HECW1: variants seen among roughly 807,000 people sequenced by gnomAD.
The protein encoded by HECW1 is E3 ubiquitin-protein ligase HECW1.
In HECW1, 61 loss-of-function variants were observed where a neutral mutation model predicts 182.3. That is an observed-to-expected ratio of 0.33 (90% CI 0.27 to 0.41). HECW1 has a LOEUF of 0.41. HECW1 is among the 10% of genes least tolerant of loss of function. HECW1 has a pLI of 1.00. For missense variants in HECW1, 1,739 were observed against 2,108.9 expected (o/e 0.82, Z 3.44); for synonymous variants, 859 against 832.6 (o/e 1.03, Z -0.55).
Position 43,174,551 on chromosome 7 carries a change from G to A in HECW1, c.-32+60160G>A, listed in dbSNP as rs554768004. ...TAATTCTCTGGACTAGCCCCTGAGC[G>A]AGGTTCTTGTCCCCTGGGATTGAAT... On this transcript the variant is annotated intron_variant, in intron 2 of 29. Coordinates refer to ENST00000395891, the MANE Select transcript of HECW1 (RefSeq NM_015052.5). 8.5e-5 allele frequency among the ~76,000 whole-genome samples: 13 copies of A among 152,292 alleles called. 1 individual carries two copies. The South Asian group carries it at 1.9e-3, about 22-fold the overall frequency.
chr7:43,550,556 C>CA lies in HECW1; in HGVS notation c.4361dup (p.Gln1455AlafsTer22). On this transcript the variant is annotated frameshift_variant, in exon 27 of 30. Transcript: ENST00000395891. LOFTEE classifies it high-confidence loss of function. The stretch of plus-strand genomic sequence containing the variant: ...GTGGCGGGTGGAGCGCGGCGTGGTA[C>CA]AGCAGACCGAGGCGCTGGTGCGCGG... 6.2e-7 allele frequency: 1 copy of CA among 1,609,948 alleles called. No homozygotes were observed. The highest frequency in any genetic ancestry group is 8.5e-7 in the Non-Finnish European group (1 of 1,178,286).
At chr7:43,153,957 T>G (rs1057499660) in intron 2 of HECW1, among the ~76,000 whole-genome samples, 1 of 152,196 alleles carries the variant, frequency 6.6e-6, no homozygotes, top group African/African-American at 2.4e-5. Context: ...TAATTTTTTT[T>G]TTGGTAGTTG....
intron 3 of HECW1, among the ~76,000 whole-genome samples, chr7:43,307,400 C>A (rs142105929): frequency 4.6e-5 from 7 of 152,142 alleles, no homozygotes; most frequent in African/African-American, 1.4e-4. Context: ...TAGTGATATC[C>A]GTTGATTTCC....
At position 43,550,449 on chromosome 7, in the gene HECW1, C is replaced by T. The variant is rs746516271; in HGVS notation, c.4253C>T (p.Thr1418Met). 7 of 1,613,986 alleles carry T rather than the reference C, an allele frequency of 4.3e-6. No individual in the cohort carries two copies. The highest frequency in any genetic ancestry group is 4.5e-5 in the East Asian group (2 of 44,886). The change falls in exon 27 of 30, where the codon ACG (threonine) becomes ATG (methionine). Residue 1418 changes from threonine to methionine, a missense_variant. Thr to Met is a moderately conservative substitution (Grantham distance 81, BLOSUM62 -1). Transcript: ENST00000395891. ...TVNEEVFGQVTERELKSGGAN... is the reference protein window; with the variant it reads ...TVNEEVFGQVMERELKSGGAN... The stretch of plus-strand genomic sequence containing the variant: ...ATATTTCTGTTTTCCTACAAGGTCA[C>T]GGAAAGGGAGTTGAAGTCTGGAGGA...
chr7:43,191,203 CCTGT>C (rs1405910814), intron 2 of HECW1, among the ~76,000 whole-genome samples: 1 of 152,172 alleles, frequency 6.6e-6, no homozygotes, highest in African/African-American at 2.4e-5. Flanking sequence ...GTTCATGTGT[CCTGT>C]CTGTCTGCCA....
At chr7:43,290,103 A>G (rs1805201994) in intron 3 of HECW1, among the ~76,000 whole-genome samples, 1 of 152,204 alleles carries the variant, frequency 6.6e-6, no homozygotes, top group Non-Finnish European at 1.5e-5. Flanking sequence ...ACTCTTACTT[A>G]ATCTCTCCTA....
chr7:43,159,081 T>C (rs1317353037), intron 2 of HECW1, among the ~76,000 whole-genome samples: 1 of 152,098 alleles, frequency 6.6e-6, no homozygotes, highest in Non-Finnish European at 1.5e-5. Flanking sequence ...CAGTAAACAT[T>C]CACGCCATTG....
chr7:43,370,847 T>C (rs1326044135), intron 6 of HECW1, among the ~76,000 whole-genome samples: 1 of 151,696 alleles, frequency 6.6e-6, no homozygotes, highest in African/African-American at 2.4e-5. Context: ...CGGGGAAGGA[T>C]GAATAGGAGG....
chr7:43,220,124 C>T (rs1796819586), intron 2 of HECW1, among the ~76,000 whole-genome samples: 1 of 152,220 alleles, frequency 6.6e-6, no homozygotes, highest in South Asian at 2.1e-4. Flanking sequence ...GTTCCCAGTA[C>T]CCCTTAGGTT....
At chr7:43,534,813 C>T (rs1294656191) in intron 24 of HECW1, among the ~76,000 whole-genome samples, 1 of 152,188 alleles carries the variant, frequency 6.6e-6, no homozygotes, top group Non-Finnish European at 1.5e-5. Flanking sequence ...TTCAGGCTAG[C>T]CACTGTCAGC....
intron 24 of HECW1, among the ~76,000 whole-genome samples, chr7:43,528,015 T>A (rs917834008): frequency 6.6e-6 from 1 of 152,234 alleles, no homozygotes; most frequent in Non-Finnish European, 1.5e-5. Flanking sequence ...TTAGCTAACG[T>A]TAATAGCTAA....
chr7:43,200,584 G>A (rs1166902396), intron 2 of HECW1, among the ~76,000 whole-genome samples: 1 of 152,192 alleles, frequency 6.6e-6, no homozygotes, highest in Non-Finnish European at 1.5e-5. Flanking sequence ...TGCCTTCTAA[G>A]ATAAATACAC....
At chr7:43,517,223 T>C (rs1192195627) in intron 24 of HECW1, among the ~76,000 whole-genome samples, 2 of 152,188 alleles carry the variant, frequency 1.3e-5, no homozygotes, top group African/African-American at 2.4e-5. Flanking sequence ...ATGTCTGTGG[T>C]GGTGACGAAT....
At chr7:43,409,391 G>T (rs2075722501) in intron 8 of HECW1, among the ~76,000 whole-genome samples, 2 of 152,100 alleles carry the variant, frequency 1.3e-5, no homozygotes, top group African/African-American at 2.4e-5. Flanking sequence ...TATTTTGTAT[G>T]GGGGGAAAGG....
In HECW1 at chr7:43,534,749, A is replaced by G. The variant is rs532968947; in HGVS notation, c.4020-6414A>G. Among the ~76,000 whole-genome samples the G allele has an allele frequency of 1.3e-4, 20 of 152,356 alleles. No homozygotes were observed. The South Asian group carries it at 4.1e-3, about 32-fold the overall frequency. On this transcript the variant is annotated intron_variant, in intron 24 of 29. Coordinates refer to ENST00000395891, the MANE Select transcript of HECW1 (RefSeq NM_015052.5). ...AATTGAGACCTTAACTGTGCCAGGT[A>G]CCATGATACATAAATGCTGTTTGTA...
At chr7:43,538,990 T>C (rs1404225435) in intron 24 of HECW1, among the ~76,000 whole-genome samples, 2 of 152,098 alleles carry the variant, frequency 1.3e-5, no homozygotes, top group Non-Finnish European at 2.9e-5. Context: ...TCTCCAGAAA[T>C]TGGTGATGGA....
At position 43,320,654 on chromosome 7, in the gene HECW1, C is replaced by T; in HGVS notation, c.372C>T (p.Asn124=). 3.7e-6 allele frequency: 6 copies of T among 1,613,802 alleles called. No homozygotes were observed. The highest frequency in any genetic ancestry group is 1.1e-5 in the South Asian group (1 of 91,070). The change falls in exon 5 of 30, where the codon AAC becomes AAT. Residue 124 remains asparagine (N), a synonymous_variant. Coordinates refer to ENST00000395891, the MANE Select transcript of HECW1 (RefSeq NM_015052.5). The part of the protein sequence containing the change: ...MYLIDEVLSE[N]FLDYKNRGVN... Reference sequence around the variant, plus strand: ...ATATAGATGAGGTCTTGTCCGAAAACTTTCTGGACTATAAAAACCGTGGAG... The same window carrying T: ...ATATAGATGAGGTCTTGTCCGAAAATTTTCTGGACTATAAAAACCGTGGAG...
At chr7:43,263,905 A>G (rs988286380) in intron 3 of HECW1, among the ~76,000 whole-genome samples, 1 of 152,214 alleles carries the variant, frequency 6.6e-6, no homozygotes, top group South Asian at 2.1e-4. Context: ...CACAAATCAC[A>G]AAGTAATGAT....
At chr7:43,183,181 C>G (rs1174116259) in intron 2 of HECW1, among the ~76,000 whole-genome samples, 3 of 152,174 alleles carry the variant, frequency 2.0e-5, no homozygotes, top group Admixed American at 2.0e-4. Context: ...ACCATTTGCA[C>G]TTGACCTCAC....
Sources: gnomAD v4.1 joint callset for allele counts (sites outside exome capture counted in the v4.1 genomes callset) on GRCh38, gnomAD v4.1.1 for gene constraint, MANE v1.5 for transcripts, NCBI Gene and HGNC (gene_info 2026-07-23, HGNC 2026-07-21) for gene names.